The following SHTN1 variants were observed in gnomAD, a reference collection of about 807,000 sequenced individuals.
SHTN1 encodes shootin-1.
SHTN1 carries 42 observed loss-of-function variants against 83.1 expected under a neutral mutation model. That is an observed-to-expected ratio of 0.51 (90% CI 0.39 to 0.65). The LOEUF (loss-of-function observed/expected upper bound fraction) is 0.65, where lower values mean the gene tolerates loss of function less well. Ranked by LOEUF, SHTN1 falls within the 30% of genes least tolerant of loss-of-function variation. The pLI is 0.00. For synonymous variants in SHTN1, 224 were observed against 247.7 expected (o/e 0.90, Z 0.90); for missense variants, 622 against 737.8 (o/e 0.84, Z 1.82).
chr10:117,070,025 C>T (rs1853058510), intron 1 of SHTN1, among the ~76,000 whole-genome samples: 2 of 151,748 alleles, frequency 1.3e-5, no homozygotes, highest in South Asian at 4.2e-4. Flanking sequence ...AAAAGTAGTA[C>T]TTTCAAGGTA....
chr10:117,010,142 A>G (rs1005714584), upstream of SHTN1, among the ~76,000 whole-genome samples: 3 of 151,622 alleles, frequency 2.0e-5, no homozygotes, highest in East Asian at 1.9e-4. Flanking sequence ...ATAAAAAGCT[A>G]TTTCTTTGAA....
At chr10:117,057,188 C>T (rs1184792588) in intron 1 of SHTN1, among the ~76,000 whole-genome samples, 2 of 152,144 alleles carry the variant, frequency 1.3e-5, no homozygotes, top group Non-Finnish European at 2.9e-5. Context: ...AAAACAAGAT[C>T]AACTCTGGAG....
chr10:117,016,275 G>C lies in SHTN1; in HGVS notation c.-123+32170C>G, dbSNP rs563926706. ...AGATGTTTGAGGCGTATGTGTGTCT[G>C]TGTGTGCGTTTTATGTATCCCAATT... On this transcript the variant is annotated intron_variant, in intron 2 of 17. Coordinates refer to the SHTN1 transcript ENST00000392901. 3.9e-5 allele frequency among the ~76,000 whole-genome samples: 6 copies of C among 152,312 alleles called. No homozygotes were observed. The East Asian group carries it at 1.2e-3, about 29-fold the overall frequency.
At chr10:116,989,744 T>A (rs992420484) in intron 1 of SHTN1, among the ~76,000 whole-genome samples, 16 of 152,326 alleles carry the variant, frequency 1.1e-4, no homozygotes, top group African/African-American at 3.8e-4. Context: ...TGTTCTTTGT[T>A]GAAGATGGTA....
intron 3 of SHTN1, among the ~76,000 whole-genome samples, chr10:116,961,891 C>T (rs1051208797): frequency 6.6e-6 from 1 of 152,172 alleles, no homozygotes; most frequent in Non-Finnish European, 1.5e-5. Flanking sequence ...GCACTGCTGA[C>T]AGAGCAGTGA....
At chr10:116,889,787 A>G (rs899099000) in intron 16 of SHTN1, among the ~76,000 whole-genome samples, 3 of 152,122 alleles carry the variant, frequency 2.0e-5, no homozygotes, top group Non-Finnish European at 2.9e-5. Flanking sequence ...ATCCGTTTCC[A>G]TCTCCATCTT....
intron 1 of SHTN1, among the ~76,000 whole-genome samples, chr10:117,051,953 T>C (rs1305388603): frequency 7.8e-6 from 1 of 128,932 alleles, no homozygotes; most frequent in Non-Finnish European, 1.6e-5. Context: ...GTCATCCAAA[T>C]TGGAAAGGCA....
chr10:117,095,798 T>G (rs1396385549), intron 1 of SHTN1, among the ~76,000 whole-genome samples: 2 of 152,328 alleles, frequency 1.3e-5, no homozygotes, highest in Middle Eastern at 3.4e-3. Context: ...CTTTTCCCCA[T>G]GGATTCCCAC....
chr10:117,114,311 C>T (rs1429324282), intron 1 of SHTN1, among the ~76,000 whole-genome samples: 3 of 152,026 alleles, frequency 2.0e-5, no homozygotes, highest in South Asian at 2.1e-4. Flanking sequence ...TGATTAAAAG[C>T]CAGGCACCAA....
At chr10:116,939,422 G>A (rs1033486886) in intron 9 of SHTN1, among the ~76,000 whole-genome samples, 2 of 152,186 alleles carry the variant, frequency 1.3e-5, no homozygotes, top group African/African-American at 4.8e-5. Context: ...AGGAGAGGGA[G>A]TTCTCCAATC....
intron 11 of SHTN1, among the ~76,000 whole-genome samples, chr10:116,926,104 T>C (rs1848735225): frequency 6.6e-6 from 1 of 152,184 alleles, no homozygotes; most frequent in Admixed American, 6.5e-5. Context: ...AAGAGCCTTA[T>C]AAAAGAGTTC....
intron 1 of SHTN1, among the ~76,000 whole-genome samples, chr10:117,052,046 G>GA (rs1317860880): frequency 2.8e-5 from 1 of 35,532 alleles, no homozygotes; most frequent in African/African-American, 7.9e-5. Context: ...AATACACAAA[G>GA]AAAATTTCTA....
chr10:116,900,026 G>A (rs1451343082), intron 16 of SHTN1, among the ~76,000 whole-genome samples: 1 of 152,172 alleles, frequency 6.6e-6, no homozygotes, highest in Non-Finnish European at 1.5e-5. Context: ...GTGCCAGTCT[G>A]GGTAAATAAT....
intron 10 of SHTN1, 137 bp downstream of exon 10, chr10:116,929,712 G>A: frequency 5.9e-6 from 3 of 510,398 alleles, no homozygotes; most frequent in Non-Finnish European, 9.8e-6. Flanking sequence ...AGAAATTAAG[G>A]AATTTCAAAA....
At chr10:117,084,173 G>A (rs1564953915) in intron 1 of SHTN1, among the ~76,000 whole-genome samples, 2 of 152,012 alleles carry the variant, frequency 1.3e-5, no homozygotes, top group African/African-American at 4.8e-5. Flanking sequence ...CATCTTTGTG[G>A]TTTTATCTAC....
intron 3 of SHTN1, among the ~76,000 whole-genome samples, chr10:116,963,948 G>C (rs924999470): frequency 2.0e-5 from 3 of 149,376 alleles, no homozygotes; most frequent in African/African-American, 7.4e-5. Context: ...TGGCAGTGTA[G>C]TACACATCAC....
intron 2 of SHTN1, among the ~76,000 whole-genome samples, chr10:117,047,000 TAAAAA>T (rs763075267): frequency 6.7e-6 from 1 of 149,254 alleles, no homozygotes; most frequent in East Asian, 1.9e-4. Context: ...GTTCTGGCAG[TAAAAA>T]AAAAGAGAAA....
At chr10:116,952,052 A>C (rs767784259) in intron 5 of SHTN1, 46 bp from the exon 6 acceptor site, 3 of 998,796 alleles carry the variant, frequency 3.0e-6, no homozygotes, top group Non-Finnish European at 2.8e-6. Context: ...TTATTTTTAA[A>C]ATAAGAAATC....
intron 1 of SHTN1, among the ~76,000 whole-genome samples, chr10:117,089,340 G>A (rs1487394619): frequency 6.6e-6 from 1 of 152,142 alleles, no homozygotes; most frequent in Non-Finnish European, 1.5e-5. Context: ...GTAATTTAGA[G>A]TCTAGAAGTG....
Sources: allele counts gnomAD v4.1 joint callset (sites outside exome capture counted in the v4.1 genomes callset), GRCh38; gene constraint gnomAD v4.1.1; transcripts MANE v1.5; gene names NCBI Gene and HGNC (gene_info 2026-07-23, HGNC 2026-07-21).